The following AGBL1 variants were observed in gnomAD, a reference collection of about 807,000 sequenced individuals.
AGBL1 encodes cytosolic carboxypeptidase 4.
Under a neutral mutation model 118.9 loss-of-function variants are expected in AGBL1, and 130 were observed. That is an observed-to-expected ratio of 1.09 (90% CI 0.95 to 1.26). AGBL1 has a LOEUF of 1.26. Among genes scored for constraint, AGBL1 ranks in the 50% most tolerant of loss-of-function variants. AGBL1 has a pLI of 0.00. For synonymous variants in AGBL1, 555 were observed against 478.9 expected (o/e 1.16, Z -2.08); for missense variants, 1,584 against 1,298.1 (o/e 1.22, Z -3.38).
In AGBL1 at chr15:87,007,956, A is replaced by T. The variant is rs543824803; in HGVS notation, c.3323+19868A>T. ...ATCTCTGCAGCCTTTATAAGGAGAA[A>T]TAATGGAAGTCATAAAGAAGAAAAT... On this transcript the variant is annotated intron_variant, in intron 24 of 24. Transcript: ENST00000441037. 2.6e-5 allele frequency among the ~76,000 whole-genome samples: 4 copies of T among 152,370 alleles called. No individual in the cohort carries two copies. The South Asian group carries it at 8.3e-4, about 32-fold the overall frequency.
At chr15:86,569,119 C>A (rs1018055802) in intron 21 of AGBL1, among the ~76,000 whole-genome samples, 2 of 151,062 alleles carry the variant, frequency 1.3e-5, no homozygotes, top group African/African-American at 4.9e-5. Context: ...CATTTTATTT[C>A]TTTGAAAATA....
chr15:86,811,096 A>G (rs545524227), intron 22 of AGBL1, among the ~76,000 whole-genome samples: 1 of 152,222 alleles, frequency 6.6e-6, no homozygotes, highest in South Asian at 2.1e-4. Flanking sequence ...TGCCCCATTT[A>G]TTGGAGCTAA....
intron 21 of AGBL1, among the ~76,000 whole-genome samples, chr15:86,590,430 C>T (rs2084318494): frequency 6.6e-6 from 1 of 152,112 alleles, no homozygotes; most frequent in South Asian, 2.1e-4. Flanking sequence ...TCTGTCCTGC[C>T]ACTATGTGAA....
chr15:87,030,060 A>G (rs1440989945), downstream of AGBL1, among the ~76,000 whole-genome samples: 1 of 152,048 alleles, frequency 6.6e-6, no homozygotes, highest in African/African-American at 2.4e-5. Flanking sequence ...AGATTATTAC[A>G]ATTAAAAGGT....
intron 17 of AGBL1, among the ~76,000 whole-genome samples, chr15:86,317,969 T>C (rs1293519927): frequency 6.6e-6 from 1 of 152,206 alleles, no homozygotes; most frequent in African/African-American, 2.4e-5. Context: ...CCAAGTATTA[T>C]AGTGTCATGA....
chr15:86,670,650 G>GTGTGTATATATA lies in AGBL1; in HGVS notation c.2995-3622_2995-3621insGTGTATATATAT, dbSNP rs369000727. On this transcript the variant is annotated intron_variant, in intron 21 of 22. Transcript: ENST00000614907. ...ACAAACACGCTGTGTGTGTGTGTGT[G>GTGTGTATATATA]TATATATATATATAGCAAACTTATA... 3.6e-3 allele frequency among the ~76,000 whole-genome samples: 510 copies of GTGTGTATATATA among 141,122 alleles called. 29 individuals carry two copies. In the East Asian group the frequency reaches 0.08, roughly 22 times the overall value. The allele number at this position is 141,122 out of a possible 152,430, so 92.6% of individuals were successfully genotyped here.
At chr15:86,787,501 A>G (rs1263792185) in intron 22 of AGBL1, among the ~76,000 whole-genome samples, 1 of 152,114 alleles carries the variant, frequency 6.6e-6, no homozygotes, top group Admixed American at 6.5e-5. Flanking sequence ...TAGACTCCAC[A>G]TATAAGTGAA....
At chr15:86,807,419 A>AT (rs2078732562) in intron 22 of AGBL1, among the ~76,000 whole-genome samples, 1 of 152,034 alleles carries the variant, frequency 6.6e-6, no homozygotes, top group African/African-American at 2.4e-5. Context: ...CACCAAAAAT[A>AT]TTTGCTTTTG....
At chr15:86,732,478 T>C (rs1230955712) in intron 22 of AGBL1, among the ~76,000 whole-genome samples, 1 of 152,212 alleles carries the variant, frequency 6.6e-6, no homozygotes, top group African/African-American at 2.4e-5. Flanking sequence ...CTCCCTAATA[T>C]TCTTTCTATG....
chr15:86,746,396 TC>T (rs1454301344), intron 22 of AGBL1, among the ~76,000 whole-genome samples: 1 of 152,100 alleles, frequency 6.6e-6, no homozygotes, highest in East Asian at 1.9e-4. Context: ...TCCTGGTCAT[TC>T]CTGAGGTCTC....
intron 22 of AGBL1, among the ~76,000 whole-genome samples, chr15:86,717,165 G>C (rs2086650801): frequency 6.6e-6 from 1 of 152,192 alleles, no homozygotes; most frequent in Non-Finnish European, 1.5e-5. Context: ...GGGAAGCGAA[G>C]GGCAGGACAA....
At chr15:86,966,380 T>A (rs1276237523) in intron 23 of AGBL1, among the ~76,000 whole-genome samples, 1 of 151,792 alleles carries the variant, frequency 6.6e-6, no homozygotes, top group Non-Finnish European at 1.5e-5. Context: ...AATATGCAGG[T>A]TAGTTACATA....
chr15:86,423,610 G>C (rs545719044), intron 18 of AGBL1, among the ~76,000 whole-genome samples: 228 of 152,284 alleles, frequency 1.5e-3, no homozygotes, highest in African/African-American at 5.3e-3. Flanking sequence ...TCTGTTTGCA[G>C]ATGACATGAT....
intron 18 of AGBL1, among the ~76,000 whole-genome samples, chr15:86,503,300 C>A (rs971377063): frequency 6.6e-6 from 1 of 151,286 alleles, no homozygotes; most frequent in Non-Finnish European, 1.5e-5. Context: ...TCTGTCATTT[C>A]TCCTTTTAAT....
intron 17 of AGBL1, among the ~76,000 whole-genome samples, chr15:86,370,795 A>G (rs1342905975): frequency 1.3e-5 from 2 of 152,106 alleles, no homozygotes; most frequent in African/African-American, 4.8e-5. Context: ...GCAGTAAACT[A>G]TTTGAGGGAA....
intron 22 of AGBL1, among the ~76,000 whole-genome samples, chr15:86,837,589 A>C (rs1054998109): frequency 6.6e-6 from 1 of 152,202 alleles, no homozygotes; most frequent in African/African-American, 2.4e-5. Context: ...TTACAGAAAA[A>C]GTTTACTGAT....
chr15:86,521,404 G>T (rs1048373604), intron 18 of AGBL1, among the ~76,000 whole-genome samples: 1 of 152,080 alleles, frequency 6.6e-6, no homozygotes, highest in Non-Finnish European at 1.5e-5. Flanking sequence ...TTAGAGTTTT[G>T]ATGGTGACCA....
At chr15:86,825,664 AGAGG>A (rs1481226832) in intron 22 of AGBL1, among the ~76,000 whole-genome samples, 1 of 126,778 alleles carries the variant, frequency 7.9e-6, no homozygotes, top group East Asian at 2.8e-4. Flanking sequence ...GGGAAGGGAA[AGAGG>A]GAGGGAGGAA....
At chr15:86,936,236 ATGTATGTGTGTGTG>A (rs796676443) in intron 23 of AGBL1, among the ~76,000 whole-genome samples, 68 of 105,864 alleles carry the variant, frequency 6.4e-4, no homozygotes, top group African/African-American at 2.0e-3. Context: ...AGCAGTGTGT[ATGTATGTGTGTGTG>A]TGTGTGTGTG....
Sources: gnomAD v4.1 joint callset for allele counts (sites outside exome capture counted in the v4.1 genomes callset) on GRCh38, gnomAD v4.1.1 for gene constraint, MANE v1.5 for transcripts, NCBI Gene and HGNC (gene_info 2026-07-23, HGNC 2026-07-21) for gene names.